The following GPLD1 variants were observed in gnomAD, a reference collection of about 807,000 sequenced individuals.
The protein encoded by GPLD1 is glycosylphosphatidylinositol specific phospholipase D1.
Under a neutral mutation model 112.6 loss-of-function variants are expected in GPLD1, and 84 were observed. The observed-to-expected ratio is 0.75, with a 90% CI of 0.63 to 0.89. GPLD1 has a LOEUF of 0.89. GPLD1 is among the 40% of genes least tolerant of loss of function. The probability of loss-of-function intolerance (pLI) is 0.00; values close to 1 mark genes in which losing one functional copy is unlikely to be tolerated. For missense variants in GPLD1, 1,044 were observed against 1,051.5 expected (o/e 0.99, Z 0.10); for synonymous variants, 386 against 403.8 (o/e 0.96, Z 0.53).
chr6:24,464,778 C>T (rs1763543738), intron 10 of GPLD1, among the ~76,000 whole-genome samples: 1 of 152,218 alleles, frequency 6.6e-6, no homozygotes, highest in South Asian at 2.1e-4. Context: ...ACAGCCTAAG[C>T]TTCCCGCTCT....
Position 24,479,929 on chromosome 6 carries a change from C to T in GPLD1, c.184G>A (p.Ala62Thr), listed in dbSNP as rs868850718. The T allele has an allele frequency of 1.2e-6, 2 of 1,610,620 alleles. No homozygotes were observed. The highest frequency in any genetic ancestry group is 2.7e-5 in the African/African-American group (2 of 74,778). The part of the protein sequence containing the change: ...LLLEHQDAYQ[A>T]GIVFPDCFYP... The stretch of plus-strand genomic sequence containing the variant: ...AAACAATCAGGAAACACGATTCCAG[C>T]CTGATACGCATCCTGGTGTTCTAGT... The change falls in exon 3 of 25, where the codon GCT (alanine) becomes ACT (threonine). Residue 62 changes from alanine (A) to threonine (T), a missense_variant. Ala to Thr is a moderately conservative substitution (Grantham distance 58). Coordinates refer to ENST00000230036, the MANE Select transcript of GPLD1 (RefSeq NM_001503.4).
Position 24,436,740 on chromosome 6 carries a change from A to G in GPLD1, c.2198-4T>C, listed in dbSNP as rs1762590447. The G allele has an allele frequency of 6.2e-7, 1 of 1,611,098 alleles. No homozygotes were observed. The highest frequency in any genetic ancestry group is 8.5e-7 in the Non-Finnish European group (1 of 1,179,178). On this transcript the variant is annotated splice_region_variant and splice_polypyrimidine_tract_variant and intron_variant, in intron 21 of 24. Transcript: ENST00000230036. ...GGGGCTGCCATGATGATTTCATCTG[A>G]AAACAATAAAAACCGACAGAAGGAA...
At chr6:24,473,696 G>A in intron 5 of GPLD1, 29 bp from the exon 6 acceptor site, 3 of 1,535,250 alleles carry the variant, frequency 2.0e-6, no homozygotes, top group African/African-American at 1.4e-5. Context: ...CATCTGGTGT[G>A]TATTACAAAT....
intron 3 of GPLD1, 41 bp from the exon 4 acceptor site, chr6:24,476,319 G>T: frequency 9.3e-7 from 1 of 1,078,988 alleles, no homozygotes; most frequent in Non-Finnish European, 1.4e-6. Flanking sequence ...TCTCTTAAAA[G>T]TTGGAGAGTC....
upstream of GPLD1, among the ~76,000 whole-genome samples, chr6:24,492,599 C>T (rs1764587193): frequency 6.6e-6 from 1 of 151,566 alleles, no homozygotes; most frequent in Non-Finnish European, 1.5e-5. Flanking sequence ...GTGGAGGTTC[C>T]CAGGACAAGG....
Position 24,436,712 on chromosome 6 carries a change from A to G in GPLD1, c.2222T>C (p.Leu741Pro). The part of the protein sequence containing the change: ...GLDEIIMAAP[L>P]RIADVTSGLI... ...TCCAGAGGTTACATCTGCTATCCTC[A>G]GGGGGGCTGCCATGATGATTTCATC... The change falls in exon 22 of 25, where the codon CTG becomes CCG. Residue 741 changes from leucine (L) to proline (P), a missense_variant. Physicochemically the swap from Leu to Pro is moderately conservative, Grantham distance 98. Transcript: ENST00000230036. 1 of 1,613,890 alleles carries G rather than the reference A, an allele frequency of 6.2e-7. No individual in the cohort carries two copies. Among genetic ancestry groups the G allele is most frequent in the African/African-American group, 1.3e-5 (1 of 75,028 alleles).
At chr6:24,472,146 T>C (rs992466841) in intron 7 of GPLD1, among the ~76,000 whole-genome samples, 2 of 152,112 alleles carry the variant, frequency 1.3e-5, no homozygotes, top group Non-Finnish European at 2.9e-5. Context: ...TGGAAAAAGT[T>C]TTCACTTAAA....
At chr6:24,439,712 ATAT>A (rs1762686336) in intron 20 of GPLD1, among the ~76,000 whole-genome samples, 1 of 152,222 alleles carries the variant, frequency 6.6e-6, no homozygotes, top group Non-Finnish European at 1.5e-5. Flanking sequence ...AGGCATTTCT[ATAT>A]TATTTCAGTA....
At chr6:24,446,721 C>T in intron 18 of GPLD1, 117 bp downstream of exon 18, 1 of 981,186 alleles carries the variant, frequency 1.0e-6, no homozygotes, top group Middle Eastern at 3.5e-4. Flanking sequence ...CTTGGCTTTT[C>T]CTTCAAAAGT....
chr6:24,433,481 CTACTTTT>C, intron 22 of GPLD1, 92 bp from the exon 23 acceptor site: 4 of 533,216 alleles, frequency 7.5e-6, no homozygotes, highest in Admixed American at 4.3e-5. Context: ...ACCCTCATTT[CTACTTTT>C]TTTTTTTTTT....
chr6:24,448,535 T>C (rs1054290066), intron 15 of GPLD1, among the ~76,000 whole-genome samples: 2 of 152,206 alleles, frequency 1.3e-5, no homozygotes, highest in African/African-American at 4.8e-5. Context: ...AAGGAATTTT[T>C]TTAAAGTCTG....
intron 3 of GPLD1, among the ~76,000 whole-genome samples, chr6:24,477,072 C>T (rs754846444): frequency 2.6e-5 from 4 of 151,514 alleles, no homozygotes; most frequent in Non-Finnish European, 1.5e-5. Flanking sequence ...ATTTGATTTG[C>T]TCCCACAGTT....
chr6:24,482,157 T>C (rs1258669942), intron 2 of GPLD1, among the ~76,000 whole-genome samples: 1 of 146,212 alleles, frequency 6.8e-6, no homozygotes, highest in Non-Finnish European at 1.5e-5. Context: ...TGGAGTGCAG[T>C]GGCGTGATCT....
At position 24,437,262 on chromosome 6, in the gene GPLD1, G is replaced by A; in HGVS notation, c.2048C>T (p.Thr683Ile). The A allele has an allele frequency of 6.2e-7, 1 of 1,614,020 alleles. No homozygotes were observed. The highest frequency in any genetic ancestry group is 8.5e-7 in the Non-Finnish European group (1 of 1,180,006). ...YDDVSKVAFL[T>I]VTLHQGGATR... ...GGCTCCGCCTTGGTGTAGGGTCACG[G>A]TCAGGAATGCCACCTTAGACACGTC... Residue 683 changes from threonine (T) to isoleucine (I), a missense_variant, in exon 21 of 25, where the codon ACC becomes ATC. Transcript: ENST00000230036.
intron 11 of GPLD1, among the ~76,000 whole-genome samples, chr6:24,461,787 T>C (rs1763446249): frequency 6.6e-6 from 1 of 152,190 alleles, no homozygotes; most frequent in Non-Finnish European, 1.5e-5. Context: ...GCAGGAACTG[T>C]TTCTGTCTTG....
In GPLD1 at chr6:24,436,575, C is replaced by T. The variant is rs767155207; in HGVS notation, c.2358+1G>A. 23 of 1,612,886 alleles carry T rather than the reference C, an allele frequency of 1.4e-5. No individual in the cohort carries two copies. The highest frequency in any genetic ancestry group is 1.7e-5 in the Non-Finnish European group (20 of 1,179,240). On this transcript the variant is annotated splice_donor_variant, in intron 22 of 24. Coordinates refer to ENST00000230036, the MANE Select transcript of GPLD1 (RefSeq NM_001503.4). LOFTEE classifies it high-confidence loss of function. ...GTTATAGAATTTTGTAGAACACTTA[C>T]CTTTTCTTCTGGACATGGAGTTATC...
intron 3 of GPLD1, among the ~76,000 whole-genome samples, chr6:24,476,709 A>C (rs1310279779): frequency 6.6e-6 from 1 of 152,216 alleles, no homozygotes. Context: ...ATAAAAGCAG[A>C]TATTTCATAT....
chr6:24,489,828 A>G (rs964459505), upstream of GPLD1, among the ~76,000 whole-genome samples: 2 of 152,186 alleles, frequency 1.3e-5, no homozygotes, highest in Admixed American at 6.5e-5. Flanking sequence ...TCATTTTAAC[A>G]TGAAATTTGT....
At chr6:24,429,464 C>T (rs1762335036) in intron 24 of GPLD1, among the ~76,000 whole-genome samples, 1 of 152,174 alleles carries the variant, frequency 6.6e-6, no homozygotes, top group African/African-American at 2.4e-5. Context: ...ATGTGTTTAG[C>T]GTACCTCCCA....
Sources: gnomAD v4.1 joint callset for allele counts (sites outside exome capture counted in the v4.1 genomes callset) on GRCh38, gnomAD v4.1.1 for gene constraint, MANE v1.5 for transcripts, NCBI Gene and HGNC (gene_info 2026-07-23, HGNC 2026-07-21) for gene names.